Variants in FHIT observed in about 807,000 individuals in gnomAD.
FHIT encodes the protein bis(5'-adenosyl)-triphosphatase.
In FHIT, 19 loss-of-function variants were observed where a neutral mutation model predicts 17.9. The observed-to-expected ratio is 1.06, with a 90% CI of 0.74 to 1.56. The LOEUF (loss-of-function observed/expected upper bound fraction) is 1.56. FHIT is among the 40% of genes most tolerant of loss of function. The pLI, the probability that FHIT is intolerant of heterozygous loss-of-function variation, is 0.00. For missense variants in FHIT, 248 were observed against 189.2 expected (o/e 1.31, Z -1.82); for synonymous variants, 81 against 69.7 (o/e 1.16, Z -0.81).
At chr3:60,642,567 T>C (rs2039753955) in intron 4 of FHIT, among the ~76,000 whole-genome samples, 1 of 152,212 alleles carries the variant, frequency 6.6e-6, no homozygotes, top group South Asian at 2.1e-4. Context: ...TCTTCTATAT[T>C]AGAAATTTCC....
chr3:60,101,432 C>T (rs550160846), intron 5 of FHIT, among the ~76,000 whole-genome samples: 3 of 152,318 alleles, frequency 2.0e-5, no homozygotes, highest in Non-Finnish European at 2.9e-5. Flanking sequence ...CTTGCTCATC[C>T]GTTAAGTTTC....
At chr3:61,208,733 T>C (rs191955983) in intron 1 of FHIT, among the ~76,000 whole-genome samples, 1 of 152,064 alleles carries the variant, frequency 6.6e-6, no homozygotes, top group African/African-American at 2.4e-5. Context: ...ATGGGTTTCC[T>C]GAATACAGCA....
intron 5 of FHIT, among the ~76,000 whole-genome samples, chr3:60,377,362 T>C (rs916587828): frequency 7.2e-5 from 11 of 151,794 alleles, no homozygotes; most frequent in African/African-American, 2.2e-4. Context: ...TTTCACCATA[T>C]TGGCCAGGAT....
intron 5 of FHIT, among the ~76,000 whole-genome samples, chr3:60,087,352 A>G (rs1576069574): frequency 6.6e-6 from 1 of 152,166 alleles, no homozygotes; most frequent in Non-Finnish European, 1.5e-5. Flanking sequence ...ACCTGGCTCC[A>G]TTTTAATCAT....
chr3:60,761,260 G>A (rs1361292780), intron 4 of FHIT, among the ~76,000 whole-genome samples: 2 of 152,182 alleles, frequency 1.3e-5, no homozygotes, highest in African/African-American at 4.8e-5. Context: ...ATTGAGAAAG[G>A]AATATGAAAT....
chr3:60,588,352 C>G (rs2037972343), intron 4 of FHIT, among the ~76,000 whole-genome samples: 1 of 151,888 alleles, frequency 6.6e-6, no homozygotes, highest in African/African-American at 2.4e-5. Flanking sequence ...GAAGAACAAA[C>G]AGTCAAATGA....
intron 8 of FHIT, among the ~76,000 whole-genome samples, chr3:59,907,006 T>C (rs1420604568): frequency 2.0e-5 from 3 of 152,220 alleles, no homozygotes; most frequent in Non-Finnish European, 4.4e-5. Context: ...AATTGAACTA[T>C]TTAGTGTCAT....
intron 4 of FHIT, among the ~76,000 whole-genome samples, chr3:60,562,188 T>C (rs1352924996): frequency 6.6e-6 from 1 of 152,224 alleles, no homozygotes; most frequent in African/African-American, 2.4e-5. Flanking sequence ...ATAATTAATC[T>C]ATATTACTTT....
chr3:60,832,086 G>A (rs1702352015), intron 3 of FHIT, among the ~76,000 whole-genome samples: 1 of 151,818 alleles, frequency 6.6e-6, no homozygotes, highest in African/African-American at 2.4e-5. Context: ...AATAATAATA[G>A]GCAGCATTTA....
intron 4 of FHIT, among the ~76,000 whole-genome samples, chr3:60,610,098 T>C (rs1466620897): frequency 6.6e-6 from 1 of 152,196 alleles, no homozygotes; most frequent in African/African-American, 2.4e-5. Flanking sequence ...TTTATGCATA[T>C]GAGTTTTATT....
chr3:60,343,979 G>A (rs936286819), intron 5 of FHIT, among the ~76,000 whole-genome samples: 3 of 152,098 alleles, frequency 2.0e-5, no homozygotes, highest in Non-Finnish European at 4.4e-5. Context: ...CAATTTTAAG[G>A]ATGGCATTTT....
rs530464025 is a variant in FHIT, at chr3:59,934,687, T to C, written c.280-12273A>G. On this transcript the variant is annotated intron_variant, in intron 7 of 9. Coordinates refer to ENST00000492590, the MANE Select transcript of FHIT (RefSeq NM_002012.4). ...GGAGGCCTCAGGAAACTTACAATCA[T>C]GGCAGAAGGGGAAGCAAACATATCC... Among the ~76,000 whole-genome samples, 3 of 152,248 alleles carry C rather than the reference T, an allele frequency of 2.0e-5. No homozygotes were observed. In the South Asian group the frequency reaches 6.2e-4, roughly 32 times the overall value.
At chr3:59,945,872 G>A (rs1201373528) in intron 7 of FHIT, among the ~76,000 whole-genome samples, 1 of 152,098 alleles carries the variant, frequency 6.6e-6, no homozygotes, top group East Asian at 1.9e-4. Flanking sequence ...TCTCTATTCT[G>A]TTCCATTGGT....
chr3:61,194,308 T>C (rs751959719), intron 2 of FHIT, among the ~76,000 whole-genome samples: 3 of 152,124 alleles, frequency 2.0e-5, no homozygotes, highest in African/African-American at 7.2e-5. Flanking sequence ...GGAGACAGTA[T>C]TATGGGAGAC....
rs868055642 is a variant in FHIT at position 61,219,361 on chromosome 3, G to A, written c.-212-18696C>T. On this transcript the variant is annotated intron_variant, in intron 1 of 9. Transcript: ENST00000492590. ...TGTGTGTGTGTGTGTGTGTGTGTGT[G>A]TGTTTGTGTGTGTCCTGGCTATCCA... Among the ~76,000 whole-genome samples the A allele has an allele frequency of 8.8e-3, 1,311 of 149,054 alleles. 14 individuals carry two copies. Among genetic ancestry groups the A allele is most frequent in the African/African-American group, 0.03 (1,207 of 39,812 alleles).
intron 2 of FHIT, among the ~76,000 whole-genome samples, chr3:61,087,446 G>T (rs1431925597): frequency 6.6e-6 from 1 of 152,086 alleles, no homozygotes; most frequent in Non-Finnish European, 1.5e-5. Flanking sequence ...AAGGTTCTCA[G>T]CCTCAACTTC....
rs552009269 is a variant in FHIT at position 60,223,075 on chromosome 3, A to G, written c.104-208923T>C. 2.6e-5 allele frequency among the ~76,000 whole-genome samples: 4 copies of G among 152,266 alleles called. 1 individual carries two copies. In the East Asian group the frequency reaches 5.8e-4, roughly 22 times the overall value. On this transcript the variant is annotated intron_variant, in intron 5 of 9. Coordinates refer to ENST00000492590, the MANE Select transcript of FHIT (RefSeq NM_002012.4). ...ATTTACACGTATTTTTCCATCTACAATAGTCTCCTCCAACATTTGGGAAAA... is the reference window on the plus strand; with the variant it reads ...ATTTACACGTATTTTTCCATCTACAGTAGTCTCCTCCAACATTTGGGAAAA...
At chr3:60,107,320 A>G (rs1037875535) in intron 5 of FHIT, among the ~76,000 whole-genome samples, 7 of 152,134 alleles carry the variant, frequency 4.6e-5, no homozygotes, top group Non-Finnish European at 8.8e-5. Context: ...TAGGGGAAAC[A>G]AAACTAAAAA....
chr3:60,604,550 A>G (rs368515304), intron 4 of FHIT, among the ~76,000 whole-genome samples: 2 of 152,304 alleles, frequency 1.3e-5, no homozygotes, highest in South Asian at 4.1e-4. Context: ...ATACTCAAGA[A>G]TATTGCTATT....
Sources: allele counts gnomAD v4.1 joint callset (sites outside exome capture counted in the v4.1 genomes callset), GRCh38; gene constraint gnomAD v4.1.1; transcripts MANE v1.5; gene names NCBI Gene and HGNC (gene_info 2026-07-23, HGNC 2026-07-21).